Variants in CLEC9A observed in about 807,000 individuals in gnomAD.
CLEC9A encodes C-type lectin domain containing 9A.
CLEC9A carries 24 observed loss-of-function variants against 30.0 expected under a neutral mutation model. The observed-to-expected ratio is 0.80, with a 90% CI of 0.58 to 1.13. The LOEUF (loss-of-function observed/expected upper bound fraction) is 1.13, where lower values mean the gene tolerates loss of function less well. CLEC9A is among the 50% of genes most tolerant of loss of function. The pLI is 0.00. For missense variants in CLEC9A, 251 were observed against 280.9 expected, an observed-to-expected ratio of 0.89 and a Z score of 0.76; for synonymous variants, 111 against 96.8, an observed-to-expected ratio of 1.15 and a Z score of -0.86.
chr12:10,056,616 G>A (rs992643330), intron 5 of CLEC9A, among the ~76,000 whole-genome samples: 2 of 151,990 alleles, frequency 1.3e-5, no homozygotes, highest in Non-Finnish European at 2.9e-5. Flanking sequence ...AACAATGGAA[G>A]GTTATATAAG....
intron 2 of CLEC9A, among the ~76,000 whole-genome samples, chr12:10,049,153 AG>A (rs1341435210): frequency 6.6e-6 from 1 of 151,726 alleles, no homozygotes; most frequent in Non-Finnish European, 1.5e-5. Context: ...GAAAAAAAAA[AG>A]GTTTTTTTTT....
At chr12:10,040,896 G>T in intron 1 of CLEC9A, 1 of 211,372 alleles carries the variant, frequency 4.7e-6, no homozygotes, top group South Asian at 6.7e-5. Context: ...AATCTCTCAG[G>T]AACTCTGCAA....
chr12:10,046,268 T>C (rs1488342809), intron 2 of CLEC9A, among the ~76,000 whole-genome samples: 1 of 152,202 alleles, frequency 6.6e-6, no homozygotes, highest in East Asian at 1.9e-4. Flanking sequence ...GCATTTACTA[T>C]TGTATTACCA....
At chr12:10,035,760 G>A (rs535387267) in intron 1 of CLEC9A, among the ~76,000 whole-genome samples, 14 of 152,152 alleles carry the variant, frequency 9.2e-5, no homozygotes, top group South Asian at 4.2e-4. Flanking sequence ...AACTACAGGC[G>A]TGCGCCACCA....
At chr12:10,038,194 A>G (rs1051020355) in intron 1 of CLEC9A, among the ~76,000 whole-genome samples, 23 of 152,226 alleles carry the variant, frequency 1.5e-4, no homozygotes, top group African/African-American at 4.8e-4. Flanking sequence ...TTTCTTGGAA[A>G]TGAGCTTTTA....
intron 2 of CLEC9A, among the ~76,000 whole-genome samples, chr12:10,041,822 G>A (rs1037641220): frequency 6.6e-5 from 10 of 152,164 alleles, no homozygotes; most frequent in Non-Finnish European, 1.3e-4. Flanking sequence ...AGAGTTGATT[G>A]GTCAAATTGA....
chr12:10,032,322 G>A (rs1475394520), intron 1 of CLEC9A, among the ~76,000 whole-genome samples: 1 of 150,896 alleles, frequency 6.6e-6, no homozygotes. Flanking sequence ...CAAAGATCCC[G>A]TAACATAATC....
At chr12:10,054,152 A>G (rs1865919353) in intron 4 of CLEC9A, 119 bp from the exon 5 acceptor site, 6 of 794,000 alleles carry the variant, frequency 7.6e-6, no homozygotes, top group Non-Finnish European at 1.1e-5. Context: ...AGGCCCCAAC[A>G]ACTCTCAGTA....
chr12:10,040,680 T>G (rs754754658), intron 1 of CLEC9A, among the ~76,000 whole-genome samples: 120 of 151,762 alleles, frequency 7.9e-4, no homozygotes, highest in Non-Finnish European at 1.4e-3. Context: ...TCCATCTCCT[T>G]ACCTCGTGAT....
chr12:10,046,387 A>G (rs1319901471), intron 2 of CLEC9A, among the ~76,000 whole-genome samples: 1 of 152,212 alleles, frequency 6.6e-6, no homozygotes, highest in African/African-American at 2.4e-5. Context: ...TTTTTTGTGC[A>G]AAAGAAGGAA....
chr12:10,043,041 T>C (rs949030158), intron 2 of CLEC9A, among the ~76,000 whole-genome samples: 14 of 152,310 alleles, frequency 9.2e-5, no homozygotes, highest in African/African-American at 2.6e-4. Context: ...CTTTTTTAAG[T>C]TCTAAGACAA....
Position 10,064,167 on chromosome 12 carries a change from T to G in CLEC9A, c.472-565T>G, listed in dbSNP as rs539444081. ...ATTCAGTAATTAGATGAAGTTCATT[T>G]CAACAAAAATCATGAGAAAATAATT... is the stretch of plus-strand genomic sequence containing the variant. On this transcript the variant is annotated intron_variant, in intron 7 of 8. Transcript: ENST00000355819. Among the ~76,000 whole-genome samples the G allele has an allele frequency of 5.9e-5, 9 of 152,312 alleles. No individual in the cohort carries two copies. In the South Asian group the frequency reaches 1.9e-3, roughly 32 times the overall value.
At chr12:10,052,838 G>A (rs1360280700) in intron 4 of CLEC9A, 60 bp downstream of exon 4, 3 of 1,404,000 alleles carry the variant, frequency 2.1e-6, no homozygotes, top group East Asian at 4.8e-5. Flanking sequence ...TTTTTTTTCT[G>A]CTCTATCATG....
At chr12:10,054,858 A>G (rs925462573) in intron 5 of CLEC9A, among the ~76,000 whole-genome samples, 1 of 152,360 alleles carries the variant, frequency 6.6e-6, no homozygotes, top group African/African-American at 2.4e-5. Flanking sequence ...TTTATAAAAT[A>G]TAATAATTAC....
chr12:10,051,358 G>A (rs914305155), intron 2 of CLEC9A, among the ~76,000 whole-genome samples: 9 of 152,164 alleles, frequency 5.9e-5, no homozygotes, highest in African/African-American at 1.9e-4. Flanking sequence ...TTGGCCCCTG[G>A]CTTCTAGTTA....
chr12:10,056,250 T>C (rs1185856984), intron 5 of CLEC9A, among the ~76,000 whole-genome samples: 1 of 152,016 alleles, frequency 6.6e-6, no homozygotes, highest in Non-Finnish European at 1.5e-5. Context: ...GTACTACTTT[T>C]GGAAATTGTA....
At chr12:10,056,399 G>A (rs1429348858) in intron 5 of CLEC9A, among the ~76,000 whole-genome samples, 1 of 152,084 alleles carries the variant, frequency 6.6e-6, no homozygotes, top group African/African-American at 2.4e-5. Context: ...AAAGAAAGAA[G>A]AAACACTTCT....
chr12:10,064,679 A>G (rs1272761685), intron 7 of CLEC9A, 53 bp from the exon 8 acceptor site: 2 of 1,553,298 alleles, frequency 1.3e-6, no homozygotes, highest in African/African-American at 2.8e-5. Context: ...ATATTTCACT[A>G]GAGTTTTGTT....
In CLEC9A at chr12:10,043,609, A is replaced by AGTGTGTGT. The variant is rs34659428; in HGVS notation, c.-163+2010_-163+2017dup. Among the ~76,000 whole-genome samples the AGTGTGTGT allele has an allele frequency of 4.1e-3, 596 of 144,038 alleles. 4 individuals are homozygous for AGTGTGTGT. Among genetic ancestry groups the AGTGTGTGT allele is most frequent in the African/African-American group, 0.014 (563 of 38,994 alleles). The allele number at this position is 144,038 out of a possible 152,430, so 94.5% of individuals were successfully genotyped here. A position where few individuals can be genotyped will look rare whatever the true frequency, so the allele number is the denominator to read the frequency against. On this transcript the variant is annotated intron_variant, in intron 2 of 8. Coordinates refer to ENST00000355819, the MANE Select transcript of CLEC9A (RefSeq NM_207345.4). ...TCTATATTAATCTTTACCATGGAACAGTGTGTGTGTGTGTGTGTGTGTGTG... is the reference window on the plus strand; with the variant it reads ...TCTATATTAATCTTTACCATGGAACAGTGTGTGTGTGTGTGTGTGTGTGTGTGTGTGTG...
Sources: allele counts gnomAD v4.1 joint callset (sites outside exome capture counted in the v4.1 genomes callset), GRCh38; gene constraint gnomAD v4.1.1; transcripts MANE v1.5; gene names NCBI Gene and HGNC (gene_info 2026-07-23, HGNC 2026-07-21).